The following SULF2 variants were observed in gnomAD, a reference collection of about 807,000 sequenced individuals.
SULF2 encodes the protein sulfatase 2.
A neutral mutation model predicts 107.7 loss-of-function variants in SULF2; 52 were observed. The ratio of observed to expected loss-of-function variants is 0.48; its 90% CI spans 0.39 to 0.61. SULF2 has a LOEUF of 0.61. Ranked by LOEUF, SULF2 falls within the 20% of genes least tolerant of loss-of-function variation. The pLI is 0.00. For synonymous variants in SULF2, 460 were observed against 464.3 expected, an observed-to-expected ratio of 0.99 and a Z score of 0.12; for missense variants, 993 against 1,177.3, an observed-to-expected ratio of 0.84 and a Z score of 2.29.
chr20:47,722,313 T>C (rs2089317368), intron 3 of SULF2, among the ~76,000 whole-genome samples: 2 of 152,194 alleles, frequency 1.3e-5, no homozygotes, highest in South Asian at 2.1e-4. Context: ...CAGGTTGTAA[T>C]GCAGTGGCAC....
At position 47,677,114 on chromosome 20, in the gene SULF2, ATCT is replaced by A. The variant is rs746805960; in HGVS notation, c.1211_1213del (p.Lys404del). 69 of 1,613,038 alleles carry A rather than the reference ATCT, an allele frequency of 4.3e-5. No homozygotes were observed. Among genetic ancestry groups the A allele is most frequent in the Non-Finnish European group, 5.5e-5 (65 of 1,179,740 alleles). On this transcript the variant is annotated inframe_deletion, in exon 9 of 21. Transcript: ENST00000688720. ...CAAGAAGGAGTCCCGCCAGACCCTC[ATCT>A]TCTTTTTCAAGTGAAACCTGGAAAA...
At chr20:47,770,772 G>A (rs2090614656) in intron 1 of SULF2, among the ~76,000 whole-genome samples, 1 of 152,120 alleles carries the variant, frequency 6.6e-6, no homozygotes, top group Admixed American at 6.5e-5. Context: ...GCTTGGGAGG[G>A]GCTGCGGAGT....
At chr20:47,786,169 AAC>A (rs1188631779), upstream of SULF2, 1 of 152,242 alleles carries the variant, frequency 6.6e-6, no homozygotes, top group Non-Finnish European at 1.5e-5. Context: ...GTGTGTGCGT[AAC>A]ACACAAACCA....
intron 3 of SULF2, among the ~76,000 whole-genome samples, chr20:47,725,114 G>A (rs982159407): frequency 7.2e-5 from 11 of 152,194 alleles, no homozygotes; most frequent in African/African-American, 2.7e-4. Context: ...CTGGGAATGT[G>A]ACAATTACAA....
intron 2 of SULF2, among the ~76,000 whole-genome samples, chr20:47,751,787 G>A (rs1167875093): frequency 1.3e-5 from 2 of 152,228 alleles, no homozygotes; most frequent in African/African-American, 4.8e-5. Flanking sequence ...CAGGCTGACA[G>A]AGAGTGGTTG....
At chr20:47,698,535 G>C (rs1221525828) in intron 4 of SULF2, among the ~76,000 whole-genome samples, 1 of 152,150 alleles carries the variant, frequency 6.6e-6, no homozygotes, top group Non-Finnish European at 1.5e-5. Flanking sequence ...TGTGAATACA[G>C]TCGAGCAGAC....
intron 3 of SULF2, among the ~76,000 whole-genome samples, chr20:47,722,390 A>G (rs1048777866): frequency 2.0e-5 from 3 of 152,002 alleles, no homozygotes; most frequent in African/African-American, 7.2e-5. Flanking sequence ...CCTCTCAAAG[A>G]GCTGGGACCA....
chr20:47,659,424 T>A lies in SULF2; in HGVS notation c.2557A>T (p.Met853Leu). ...AGTGATTTGGAAGAAGGTCTCTTCATTTCTGGCCACTTTCGACGCTGAAAC... is the reference window on the plus strand; with the variant it reads ...AGTGATTTGGAAGAAGGTCTCTTCAATTCTGGCCACTTTCGACGCTGAAAC... ...RQFQRRKWPE[M>L]KRPSSKSLGQ... Residue 853 changes from methionine (M) to leucine (L), a missense_variant, in exon 20 of 21, where the codon ATG becomes TTG. Transcript: ENST00000688720. 1.2e-6 allele frequency: 2 copies of A among 1,614,196 alleles called. No homozygotes were observed. The highest frequency in any genetic ancestry group is 1.7e-6 in the Non-Finnish European group (2 of 1,180,030).
rs928907827 is a variant in SULF2, at chr20:47,694,784, G to A, written c.568-4489C>T. On this transcript the variant is annotated intron_variant, in intron 4 of 20. Coordinates refer to ENST00000688720, the MANE Select transcript of SULF2 (RefSeq NM_001387048.1). The surrounding 1 kb of genome is among the most constrained non-coding windows in gnomAD (Gnocchi z 4.4). ...CTTCCCTCCAAGGCCAAGGCAGTGCGTGTGGGTGGCAGCAGCTCCACAGGC... is the reference window on the plus strand; with the variant it reads ...CTTCCCTCCAAGGCCAAGGCAGTGCATGTGGGTGGCAGCAGCTCCACAGGC... 2.0e-5 allele frequency among the ~76,000 whole-genome samples: 3 copies of A among 152,184 alleles called. No homozygotes were observed. The highest frequency in any genetic ancestry group is 4.4e-5 in the Non-Finnish European group (3 of 68,030).
At chr20:47,665,001 G>A (rs1418932717) in intron 14 of SULF2, among the ~76,000 whole-genome samples, 198 bp downstream of exon 14, 2 of 152,246 alleles carry the variant, frequency 1.3e-5, no homozygotes, top group South Asian at 2.1e-4. Flanking sequence ...GAATCTGGGC[G>A]CCAGCCTGGC....
intron 1 of SULF2, among the ~76,000 whole-genome samples, chr20:47,777,493 C>T (rs112155302): frequency 2.0e-5 from 3 of 152,276 alleles, no homozygotes; most frequent in African/African-American, 7.2e-5. Context: ...TTGAAAGATC[C>T]TGGGACCTTG....
chr20:47,682,928 T>C (rs988278393), intron 7 of SULF2, 66 bp downstream of exon 7: 1 of 1,489,330 alleles, frequency 6.7e-7, no homozygotes, highest in South Asian at 1.3e-5. Context: ...GGGTTTGGGC[T>C]GCATGGTTGA....
chr20:47,665,338 G>A, intron 13 of SULF2, 45 bp from the exon 14 acceptor site: 2 of 1,265,184 alleles, frequency 1.6e-6, no homozygotes, highest in Middle Eastern at 2.1e-4. Context: ...TTCAAGGCTG[G>A]ACAACAAAGA....
chr20:47,749,796 C>G (rs1049414420), intron 2 of SULF2, among the ~76,000 whole-genome samples: 1 of 152,200 alleles, frequency 6.6e-6, no homozygotes, highest in African/African-American at 2.4e-5. Context: ...TGGGGAGGGT[C>G]TCAGATTCAG....
intron 1 of SULF2, among the ~76,000 whole-genome samples, chr20:47,765,638 G>A (rs2090515261): frequency 6.6e-6 from 1 of 152,140 alleles, no homozygotes; most frequent in Non-Finnish European, 1.5e-5. Flanking sequence ...TTTATTAAGG[G>A]CCTGCTATAT....
chr20:47,658,222 G>A lies in SULF2; in HGVS notation c.*140C>T. The A allele has an allele frequency of 1.2e-6, 1 of 820,746 alleles. No individual in the cohort carries two copies. Among genetic ancestry groups the A allele is most frequent in the Non-Finnish European group, 2.1e-6 (1 of 476,450 alleles). The allele number at this position is 820,746 out of a possible 1,614,324, so 50.8% of individuals were successfully genotyped here. On this transcript the variant is annotated 3_prime_UTR_variant, in exon 21 of 21. Coordinates refer to ENST00000688720, the MANE Select transcript of SULF2 (RefSeq NM_001387048.1). ...CTGGTTATCCTCCAGAATCTGTCAT[G>A]TTGACTGAGAGTGCGTGCTTGCTTT...
intron 3 of SULF2, among the ~76,000 whole-genome samples, chr20:47,720,969 CTT>C (rs1040523609): frequency 4.6e-5 from 7 of 152,262 alleles, no homozygotes; most frequent in Non-Finnish European, 7.4e-5. Flanking sequence ...GGACTGAAGT[CTT>C]TGTTTTTTTG....
chr20:47,755,443 T>C (rs190045599), intron 2 of SULF2, among the ~76,000 whole-genome samples: 13 of 152,356 alleles, frequency 8.5e-5, no homozygotes, highest in Admixed American at 7.2e-4. Context: ...CTGGATCATG[T>C]TGCAAAAATG....
intron 2 of SULF2, among the ~76,000 whole-genome samples, chr20:47,756,377 G>A (rs2090283378): frequency 1.3e-5 from 2 of 152,038 alleles, no homozygotes; most frequent in African/African-American, 4.8e-5. Flanking sequence ...GCTCCCGGAG[G>A]AAAAAAACTA....
Sources: gnomAD v4.1 joint callset for allele counts (sites outside exome capture counted in the v4.1 genomes callset) on GRCh38, gnomAD v4.1.1 for gene constraint, Gnocchi (gnomAD v3.1) non-coding constraint, MANE v1.5 for transcripts, NCBI Gene and HGNC (gene_info 2026-07-23, HGNC 2026-07-21) for gene names.